XIRP2: variants seen among roughly 807,000 people sequenced by gnomAD.
The protein encoded by XIRP2 is xin actin binding repeat containing 2, also known as xin actin-binding repeat-containing protein 2.
Under a neutral mutation model 277.0 loss-of-function variants are expected in XIRP2, and 236 were observed. The observed-to-expected ratio is 0.85, with a 90% CI of 0.77 to 0.95. The LOEUF (loss-of-function observed/expected upper bound fraction) is 0.95, where lower values mean the gene tolerates loss of function less well. Ranked by LOEUF, XIRP2 falls within the 40% of genes least tolerant of loss-of-function variation. The probability of loss-of-function intolerance (pLI) is 0.00; values close to 1 mark genes in which losing one functional copy is unlikely to be tolerated. For missense variants in XIRP2, 4,640 were observed against 4,157.5 expected, an observed-to-expected ratio of 1.12 and a Z score of -3.19; for synonymous variants, 1,490 against 1,416.5, an observed-to-expected ratio of 1.05 and a Z score of -1.17.
In XIRP2 at chr2:167,248,561, G is replaced by T; in HGVS notation, c.7169G>T (p.Gly2390Val). The change falls in exon 9 of 11, where the codon GGA (glycine) becomes GTA (valine). Residue 2390 changes from glycine (G) to valine (V), a missense_variant. Coordinates refer to ENST00000409195, the MANE Select transcript of XIRP2 (RefSeq NM_152381.6). Reference sequence around the variant, plus strand: ...TCCTCTGCTCCGGAAAAGCACAGTGGAGACTTCATGCAACAATATTCCCAA... The same window carrying T: ...TCCTCTGCTCCGGAAAAGCACAGTGTAGACTTCATGCAACAATATTCCCAA... ...LSSSAPEKHS[G>V]DFMQQYSQKE... 1 of 1,613,670 alleles carries T rather than the reference G, an allele frequency of 6.2e-7. No homozygotes were observed. Among genetic ancestry groups the T allele is most frequent in the Non-Finnish European group, 8.5e-7 (1 of 1,179,788 alleles).
chr2:167,037,502 GT>G (rs910838995), intron 2 of XIRP2, among the ~76,000 whole-genome samples: 1 of 146,502 alleles, frequency 6.8e-6, no homozygotes, highest in African/African-American at 2.6e-5. Flanking sequence ...TTGGCTTGAG[GT>G]TTTTTCATGT....
rs1271698974 is a variant in XIRP2 at position 167,214,083 on chromosome 2, G to GAAGA, written c.723+3198_723+3201dup. On this transcript the variant is annotated intron_variant, in intron 4 of 10. Coordinates refer to ENST00000409195, the MANE Select transcript of XIRP2 (RefSeq NM_152381.6). ...AAATACAAAATAGAAAGGAAGGAAGGAAGAAAGAAAGAAGGAAGGAAGGAA... is the reference window on the plus strand; with the variant it reads ...AAATACAAAATAGAAAGGAAGGAAGGAAGAAAGAAAGAAAGAAGGAAGGAAGGAA... Among the ~76,000 whole-genome samples the GAAGA allele has an allele frequency of 5.8e-3, 526 of 90,060 alleles. 28 individuals carry two copies. Among genetic ancestry groups the GAAGA allele is most frequent in the African/African-American group, 0.025 (507 of 20,200 alleles). The allele number at this position is 90,060 out of a possible 152,430, so 59.1% of individuals were successfully genotyped here.
At chr2:166,908,732 G>A (rs1050666491) in intron 2 of XIRP2, among the ~76,000 whole-genome samples, 9 of 152,064 alleles carry the variant, frequency 5.9e-5, no homozygotes, top group African/African-American at 1.9e-4. Context: ...TTTCTTCTAG[G>A]GTTTTTATGG....
intron 2 of XIRP2, among the ~76,000 whole-genome samples, chr2:167,058,024 ATTTT>A (rs1689081476): frequency 2.5e-5 from 1 of 40,050 alleles, no homozygotes; most frequent in Admixed American, 2.7e-4. Context: ...TTTTATAATT[ATTTT>A]ATTTTATTTT....
chr2:167,138,285 A>G (rs1212043249), intron 3 of XIRP2, among the ~76,000 whole-genome samples: 1 of 152,202 alleles, frequency 6.6e-6, no homozygotes, highest in Non-Finnish European at 1.5e-5. Flanking sequence ...TATCCTGCAT[A>G]TTTAAAATTT....
In XIRP2 at chr2:167,060,405, A is replaced by G. The variant is rs1689147413; in HGVS notation, c.409-75504A>G. 2.0e-5 allele frequency among the ~76,000 whole-genome samples: 3 copies of G among 152,126 alleles called. No homozygotes were observed. The South Asian group carries it at 6.2e-4, about 32-fold the overall frequency. ...CACAACCAAAGAGAATTTTTCCTGT[A>G]ACTCTCCTGCCAACTGACAAGCCTA... is the stretch of plus-strand genomic sequence containing the variant. On this transcript the variant is annotated intron_variant, in intron 2 of 10. Transcript: ENST00000409195.
intron 2 of XIRP2, among the ~76,000 whole-genome samples, chr2:167,092,343 T>C (rs1479487472): frequency 1.3e-5 from 2 of 152,130 alleles, no homozygotes; most frequent in Non-Finnish European, 2.9e-5. Flanking sequence ...CATCTGCAAG[T>C]GGTATTTTCA....
intron 4 of XIRP2, among the ~76,000 whole-genome samples, chr2:167,213,326 CA>C (rs1694112593): frequency 1.3e-5 from 2 of 152,098 alleles, no homozygotes; most frequent in Admixed American, 1.3e-4. Flanking sequence ...GAAAGAAAAC[CA>C]AGTTCAAGAG....
At chr2:167,190,533 T>C (rs1693298809) in intron 3 of XIRP2, among the ~76,000 whole-genome samples, 2 of 152,198 alleles carry the variant, frequency 1.3e-5, no homozygotes, top group African/African-American at 4.8e-5. Flanking sequence ...AATATGGTCT[T>C]CTCCTTTGAC....
chr2:167,251,732 C>T lies in XIRP2; in HGVS notation c.10340C>T (p.Ser3447Phe). ...SSSHSSEAGK[S>F]GCDFKHAPPT... Reference sequence around the variant, plus strand: ...TCACATAGCTCAGAAGCTGGCAAATCTGGCTGTGACTTCAAGCATGCCCCA... The same window carrying T: ...TCACATAGCTCAGAAGCTGGCAAATTTGGCTGTGACTTCAAGCATGCCCCA... The change falls in exon 9 of 11, where the codon TCT (serine) becomes TTT (phenylalanine). Residue 3447 changes from serine to phenylalanine, a missense_variant. By Grantham distance (155) the Ser-to-Phe change is radical. Transcript: ENST00000409195. 6.2e-7 allele frequency: 1 copy of T among 1,613,344 alleles called. No homozygotes were observed. Among genetic ancestry groups the T allele is most frequent in the Non-Finnish European group, 8.5e-7 (1 of 1,179,580 alleles).
intron 2 of XIRP2, among the ~76,000 whole-genome samples, chr2:166,999,041 T>G (rs1348311526): frequency 1.3e-5 from 2 of 152,228 alleles, no homozygotes; most frequent in African/African-American, 4.8e-5. Context: ...TCTTTTGGCT[T>G]TTAGTGAATT....
intron 2 of XIRP2, among the ~76,000 whole-genome samples, chr2:166,923,012 T>C (rs1027027559): frequency 1.3e-5 from 2 of 151,836 alleles, no homozygotes; most frequent in Non-Finnish European, 2.9e-5. Context: ...TGAGTTGCTT[T>C]TCTACTAAAA....
Position 167,244,625 on chromosome 2 carries a change from GT to G in XIRP2, c.3234del (p.Ser1078ArgfsTer35), listed in dbSNP as rs1214556411. ...TTTAGTGATGTGGAAGAAACAGAAAGTAAAACTGAACAAACTAGAGATATTG... is the reference window on the plus strand; with the variant it reads ...TTTAGTGATGTGGAAGAAACAGAAAGAAAACTGAACAAACTAGAGATATTG... ...KYFSDVEETE[S>X]KTEQTRDIVK... On this transcript the variant is annotated frameshift_variant, in exon 9 of 11. Coordinates refer to ENST00000409195, the MANE Select transcript of XIRP2 (RefSeq NM_152381.6). LOFTEE classifies it high-confidence loss of function. 6.2e-7 allele frequency: 1 copy of G among 1,613,000 alleles called. No individual in the cohort carries two copies. The highest frequency in any genetic ancestry group is 1.3e-5 in the African/African-American group (1 of 74,992).
chr2:166,983,601 T>C (rs771797412), intron 2 of XIRP2, among the ~76,000 whole-genome samples: 3 of 152,200 alleles, frequency 2.0e-5, no homozygotes, highest in Admixed American at 6.5e-5. Flanking sequence ...GCTGATCTCT[T>C]TGAGTTTTTG....
At chr2:166,923,099 C>T (rs1685098193) in intron 2 of XIRP2, among the ~76,000 whole-genome samples, 1 of 151,908 alleles carries the variant, frequency 6.6e-6, no homozygotes, top group South Asian at 2.1e-4. Flanking sequence ...CTAAGAAGCA[C>T]AAATCCTCTT....
At chr2:167,227,250 G>T (rs1694630081) in intron 5 of XIRP2, among the ~76,000 whole-genome samples, 1 of 152,108 alleles carries the variant, frequency 6.6e-6, no homozygotes, top group South Asian at 2.1e-4. Context: ...AGACTGTGAA[G>T]AATCCAGAGA....
chr2:167,081,528 G>GAAA lies in XIRP2; in HGVS notation c.409-54380_409-54378dup, dbSNP rs1689735557. The stretch of plus-strand genomic sequence containing the variant: ...CATATTACATGATTACTTTCATTAA[G>GAAA]AAATTGTCTTCTGTTTGTAAAATAG... On this transcript the variant is annotated intron_variant, in intron 2 of 10. Coordinates refer to ENST00000409195, the MANE Select transcript of XIRP2 (RefSeq NM_152381.6). 2.0e-5 allele frequency among the ~76,000 whole-genome samples: 3 copies of GAAA among 152,144 alleles called. No homozygotes were observed. The South Asian group carries it at 6.2e-4, about 32-fold the overall frequency.
At chr2:166,984,290 G>T (rs1392024868) in intron 2 of XIRP2, among the ~76,000 whole-genome samples, 1 of 152,112 alleles carries the variant, frequency 6.6e-6, no homozygotes, top group Non-Finnish European at 1.5e-5. Context: ...CTCATATTTT[G>T]TGGGATTATC....
chr2:167,223,921 C>G (rs1694509164), intron 5 of XIRP2, among the ~76,000 whole-genome samples: 1 of 152,238 alleles, frequency 6.6e-6, no homozygotes, highest in Admixed American at 6.6e-5. Flanking sequence ...CCTGAGTTAC[C>G]CATCTATTTT....
Sources: allele counts gnomAD v4.1 joint callset (sites outside exome capture counted in the v4.1 genomes callset), GRCh38; gene constraint gnomAD v4.1.1; transcripts MANE v1.5; gene names NCBI Gene and HGNC (gene_info 2026-07-23, HGNC 2026-07-21).